Variants in PCDHA9 observed in about 807,000 individuals in gnomAD.
PCDHA9 encodes protocadherin alpha-9.
In PCDHA9, 62 loss-of-function variants were observed where a neutral mutation model predicts 62.0. The ratio of observed to expected loss-of-function variants is 1.00; its 90% CI spans 0.81 to 1.23. The LOEUF is 1.23. PCDHA9 is among the 50% of genes most tolerant of loss of function. The probability of loss-of-function intolerance (pLI) is 0.00; values close to 1 mark genes in which losing one functional copy is unlikely to be tolerated. For synonymous variants in PCDHA9, 557 were observed against 567.6 expected, an observed-to-expected ratio of 0.98 and a Z score of 0.27; for missense variants, 1,205 against 1,249.8, an observed-to-expected ratio of 0.96 and a Z score of 0.54.
In PCDHA9 at chr5:140,929,533, A is replaced by G; in HGVS notation, c.2395-49416A>G. 8.5e-6 allele frequency: 5 copies of G among 588,644 alleles called. No individual in the cohort carries two copies. The East Asian group carries it at 1.3e-4, about 16-fold the overall frequency. The allele number at this position is 588,644 out of a possible 1,614,324, so 36.5% of individuals were successfully genotyped here. The stretch of plus-strand genomic sequence containing the variant: ...AAGGGACTTATAGTTTATTTTTGAG[A>G]AACAAGGGCAAAAATTAAAACCTAT... On this transcript the variant is annotated intron_variant, in intron 1 of 3. Coordinates refer to ENST00000532602, the MANE Select transcript of PCDHA9 (RefSeq NM_031857.2).
chr5:140,863,449 A>G (rs1166397854), intron 1 of PCDHA9: 4 of 570,946 alleles, frequency 7.0e-6, no homozygotes, highest in Admixed American at 4.2e-5. Flanking sequence ...TACTCGCAGC[A>G]AAGGAGATTT....
At chr5:140,995,698 G>A (rs963042409) in intron 3 of PCDHA9, among the ~76,000 whole-genome samples, 2 of 152,104 alleles carry the variant, frequency 1.3e-5, no homozygotes, top group African/African-American at 2.4e-5. Flanking sequence ...TTAAATAAAG[G>A]GCTGGGCTTG....
chr5:140,869,516 A>G, intron 1 of PCDHA9: 2 of 1,614,226 alleles, frequency 1.2e-6, no homozygotes, highest in Non-Finnish European at 1.7e-6. Flanking sequence ...CTCAGAGAAC[A>G]AAAGCTGCTG....
chr5:140,910,171 T>C (rs186096076), intron 1 of PCDHA9, among the ~76,000 whole-genome samples: 22 of 152,340 alleles, frequency 1.4e-4, no homozygotes, highest in Admixed American at 1.2e-3. Flanking sequence ...TGATCCTCTG[T>C]TTTTATAATT....
intron 1 of PCDHA9, chr5:140,966,838 G>T: frequency 6.4e-7 from 1 of 1,566,772 alleles, no homozygotes. Flanking sequence ...CCTGGCTGCT[G>T]CTACTGCCTC....
chr5:140,970,248 A>G (rs1385121881), intron 1 of PCDHA9, among the ~76,000 whole-genome samples: 1 of 152,142 alleles, frequency 6.6e-6, no homozygotes, highest in Non-Finnish European at 1.5e-5. Context: ...TTCTGTTGAC[A>G]GTTTCTATGG....
Position 140,850,299 on chromosome 5 carries a change from G to A in PCDHA9, c.1804G>A (p.Gly602Ser). The A allele has an allele frequency of 6.3e-7, 1 of 1,596,610 alleles. No homozygotes were observed. The highest frequency in any genetic ancestry group is 8.6e-7 in the Non-Finnish European group (1 of 1,167,616). The change falls in exon 1 of 4, where the codon GGC becomes AGC. Residue 602 changes from glycine to serine, a missense_variant. Transcript: ENST00000532602. ...GKVRAVDADS[G>S]YNAWLSYELQ... ...GGTGCGCGCAGTGGACGCCGACTCG[G>A]GCTACAACGCGTGGCTTTCATACGA...
Position 140,968,634 on chromosome 5 carries a change from A to G in PCDHA9, c.2395-10315A>G, listed in dbSNP as rs782166097. ...GGGCAAAATGCTTGGCTTTTTTACC[A>G]TCTAGCCCAGACTTCTGACCTGGAC... On this transcript the variant is annotated intron_variant, in intron 1 of 3. Coordinates refer to ENST00000532602, the MANE Select transcript of PCDHA9 (RefSeq NM_031857.2). 14 of 1,614,176 alleles carry G rather than the reference A, an allele frequency of 8.7e-6. 1 individual carries two copies. The South Asian group carries it at 1.3e-4, about 15-fold the overall frequency.
chr5:140,872,923 C>T (rs2053985502), intron 1 of PCDHA9, among the ~76,000 whole-genome samples: 1 of 152,102 alleles, frequency 6.6e-6, no homozygotes, highest in Non-Finnish European at 1.5e-5. Flanking sequence ...TGCCTTATCT[C>T]TAATGTTTTT....
chr5:140,972,919 C>T (rs1231455019), intron 1 of PCDHA9, among the ~76,000 whole-genome samples: 1 of 152,078 alleles, frequency 6.6e-6, no homozygotes, highest in African/African-American at 2.4e-5. Flanking sequence ...GCCTTGGCCT[C>T]CCAAAGTGCT....
At chr5:140,871,314 G>C (rs199741530) in intron 1 of PCDHA9, 3 of 1,614,048 alleles carry the variant, frequency 1.9e-6, no homozygotes, top group Admixed American at 3.3e-5. Flanking sequence ...GGAAGCCCAC[G>C]CTGGTGTGCT....
chr5:140,877,689 G>A (rs1554169989), intron 1 of PCDHA9: 2 of 1,613,914 alleles, frequency 1.2e-6, no homozygotes, highest in Non-Finnish European at 8.5e-7. Flanking sequence ...AGCCCACGCT[G>A]GTGTGCTCCA....
intron 1 of PCDHA9, among the ~76,000 whole-genome samples, chr5:140,899,594 G>A (rs1583347259): frequency 1.3e-5 from 2 of 152,238 alleles, no homozygotes; most frequent in Non-Finnish European, 2.9e-5. Flanking sequence ...GTATTTTATT[G>A]AGGACTTTTG....
intron 1 of PCDHA9, among the ~76,000 whole-genome samples, chr5:140,950,852 A>G (rs1172997648): frequency 6.6e-6 from 1 of 151,856 alleles, no homozygotes; most frequent in Non-Finnish European, 1.5e-5. Flanking sequence ...CATTTCTTTC[A>G]TATTCTTGTA....
chr5:140,933,999 C>T (rs1399268046), intron 1 of PCDHA9, among the ~76,000 whole-genome samples: 2 of 152,050 alleles, frequency 1.3e-5, no homozygotes, highest in South Asian at 2.1e-4. Context: ...TGTCACCTCT[C>T]ATTTTTCTTG....
intron 1 of PCDHA9, among the ~76,000 whole-genome samples, chr5:140,902,816 G>A (rs1447534950): frequency 6.6e-6 from 1 of 150,906 alleles, no homozygotes; most frequent in Non-Finnish European, 1.5e-5. Flanking sequence ...TACAATATTT[G>A]GTTTTCGATT....
chr5:140,871,066 G>A (rs1554165067), intron 1 of PCDHA9: 4 of 1,613,276 alleles, frequency 2.5e-6, no homozygotes, highest in South Asian at 2.2e-5. Flanking sequence ...GGATCACGGT[G>A]AGCCGGCGCT....
chr5:140,875,864 C>G (rs781972677), intron 1 of PCDHA9: 2 of 1,614,168 alleles, frequency 1.2e-6, no homozygotes, highest in South Asian at 1.1e-5. Context: ...GACAACCCGC[C>G]GGTGTTCAGA....
rs782448071 is a variant in PCDHA9 at position 140,858,265 on chromosome 5, C to T, written c.2394+7376C>T. The T allele has an allele frequency of 4.1e-5, 66 of 1,597,068 alleles. 7 individuals carry two copies. Among genetic ancestry groups the T allele is most frequent in the Non-Finnish European group, 5.4e-5 (63 of 1,166,972 alleles). ...GGCCGGTGAAGCCCACGCTGGTGTG[C>T]TCTAGCGCGGTGGGGAGCTGGTCTT... On this transcript the variant is annotated intron_variant, in intron 1 of 3. Coordinates refer to ENST00000532602, the MANE Select transcript of PCDHA9 (RefSeq NM_031857.2).
Sources: gnomAD v4.1 joint callset for allele counts (sites outside exome capture counted in the v4.1 genomes callset) on GRCh38, gnomAD v4.1.1 for gene constraint, MANE v1.5 for transcripts, NCBI Gene and HGNC (gene_info 2026-07-23, HGNC 2026-07-21) for gene names.